The following CCDC154 variants were observed in gnomAD, a reference collection of about 807,000 sequenced individuals.
CCDC154 encodes coiled-coil domain-containing protein 154.
In CCDC154, 91 loss-of-function variants were observed where a neutral mutation model predicts 87.5. The observed-to-expected ratio is 1.04, with a 90% CI of 0.88 to 1.24. The LOEUF (loss-of-function observed/expected upper bound fraction) is 1.24, where lower values mean the gene tolerates loss of function less well. Ranked by LOEUF, CCDC154 falls within the 50% of genes most tolerant of loss-of-function variation. The pLI is 0.00. For synonymous variants in CCDC154, 418 were observed against 400.4 expected (o/e 1.04, Z -0.52); for missense variants, 903 against 879.2 (o/e 1.03, Z -0.34).
chr16:1,444,451 C>T lies in CCDC154; in HGVS notation c.-129G>A. On this transcript the variant is annotated 5_prime_UTR_variant, in exon 1 of 17. Coordinates refer to ENST00000389176, the MANE Select transcript of CCDC154 (RefSeq NM_001143980.3). ...GAGGAAGTCCCGTGAGAGCTCTGGGCCTTGAGGGACGAGCTGCTGCCCTCG... is the reference window on the plus strand; with the variant it reads ...GAGGAAGTCCCGTGAGAGCTCTGGGTCTTGAGGGACGAGCTGCTGCCCTCG... 1 of 966,958 alleles carries T rather than the reference C, an allele frequency of 1.0e-6. No individual in the cohort carries two copies. Among genetic ancestry groups the T allele is most frequent in the Non-Finnish European group, 1.4e-6 (1 of 731,682 alleles). 59.9% of individuals were successfully genotyped at this position (966,958 alleles called of 1,614,324 possible).
chr16:1,440,993 C>T, intron 6 of CCDC154, among the ~76,000 whole-genome samples: 1 of 151,698 alleles, frequency 6.6e-6, no homozygotes, highest in South Asian at 2.1e-4. Flanking sequence ...GTGGCATGCG[C>T]CCGCAGTCAC....
At chr16:1,437,619 C>A in intron 11 of CCDC154, 198 bp downstream of exon 11, 1 of 611,836 alleles carries the variant, frequency 1.6e-6, no homozygotes, top group East Asian at 3.2e-5. Flanking sequence ...TGGGCCGAGG[C>A]TGCTCAGCGG....
chr16:1,442,564 T>C lies in CCDC154; in HGVS notation c.552-35A>G, dbSNP rs1025703105. ...TCGGCTGTGGTCACACCAGCCCAGCTGGCCGGAGGGCCCAGCAGGGTGAGG... is the reference window on the plus strand; with the variant it reads ...TCGGCTGTGGTCACACCAGCCCAGCCGGCCGGAGGGCCCAGCAGGGTGAGG... On this transcript the variant is annotated intron_variant, in intron 5 of 16. Coordinates refer to ENST00000389176, the MANE Select transcript of CCDC154 (RefSeq NM_001143980.3). 13 of 1,497,362 alleles carry C rather than the reference T, an allele frequency of 8.7e-6. No homozygotes were observed. In the African/African-American group the frequency reaches 9.8e-5, roughly 11 times the overall value. 92.8% of individuals were successfully genotyped at this position (1,497,362 alleles called of 1,614,324 possible).
Position 1,444,229 on chromosome 16 carries a change from G to C in CCDC154, c.7+87C>G. On this transcript the variant is annotated intron_variant, in intron 1 of 16. Coordinates refer to ENST00000389176, the MANE Select transcript of CCDC154 (RefSeq NM_001143980.3). ...GGGCGGCAGGAACAAGCGAGCTGGA[G>C]GGAGCCCGGGGTCAGAAGCAGAGCG... 12 of 1,249,350 alleles carry C rather than the reference G, an allele frequency of 9.6e-6. No homozygotes were observed. The South Asian group carries it at 1.6e-4, about 17-fold the overall frequency. The allele number at this position is 1,249,350 out of a possible 1,614,324, so 77.4% of individuals were successfully genotyped here. A position where few individuals can be genotyped will look rare whatever the true frequency, so the allele number is the denominator to read the frequency against.
Position 1,434,648 on chromosome 16 carries a change from C to G in CCDC154, c.1877+20G>C. On this transcript the variant is annotated intron_variant, in intron 16 of 16. Transcript: ENST00000389176. ...CGGCCCAAAGGCCCAGGAGGCCGCG[C>G]CGGGATCCCTGCTGCCCACCTCACA... 1.3e-6 allele frequency: 2 copies of G among 1,542,910 alleles called. No homozygotes were observed. The highest frequency in any genetic ancestry group is 1.7e-6 in the Non-Finnish European group (2 of 1,146,210).
At chr16:1,440,134 C>G in intron 6 of CCDC154, among the ~76,000 whole-genome samples, 1 of 112,296 alleles carries the variant, frequency 8.9e-6, no homozygotes. Context: ...GGCGACAGAG[C>G]GAGACTGTCA....
intron 13 of CCDC154, 125 bp downstream of exon 13, chr16:1,436,320 C>A (rs1596202737): frequency 1.0e-6 from 1 of 961,214 alleles, no homozygotes; most frequent in East Asian, 2.6e-5. Flanking sequence ...CTGGGCCAGG[C>A]CCGGGCTCAG....
chr16:1,438,518 G>A (rs899554780), intron 9 of CCDC154, 101 bp downstream of exon 9: 68 of 1,125,856 alleles, frequency 6.0e-5, no homozygotes, highest in Non-Finnish European at 8.4e-5. Context: ...GCTCGGGGGA[G>A]GCAAGGTCAT....
chr16:1,443,265 T>C lies in CCDC154; in HGVS notation c.451A>G (p.Lys151Glu). Reference sequence around the variant, plus strand: ...CCCTAGGTGTGTGGGGGGTACCTTTTGTCCAGGGCCTGCATCTGGTTCTGG... The same window carrying C: ...CCCTAGGTGTGTGGGGGGTACCTTTCGTCCAGGGCCTGCATCTGGTTCTGG... ...GLQNQMQALDKRLVEVREALT... is the reference protein window; with the variant it reads ...GLQNQMQALDERLVEVREALT... The change falls in exon 4 of 17, where the codon AAA becomes GAA. Residue 151 changes from lysine (K) to glutamate (E), a missense_variant. Coordinates refer to ENST00000389176, the MANE Select transcript of CCDC154 (RefSeq NM_001143980.3). 1.9e-6 allele frequency: 3 copies of C among 1,548,932 alleles called. No individual in the cohort carries two copies. In the South Asian group the frequency reaches 3.6e-5, roughly 18 times the overall value.
In CCDC154 at chr16:1,436,740, G is replaced by A. The variant is rs1423482641; in HGVS notation, c.1362C>T (p.Thr454=). The A allele has an allele frequency of 1.7e-5, 27 of 1,550,312 alleles. No homozygotes were observed. The highest frequency in any genetic ancestry group is 1.5e-4 in the African/African-American group (11 of 73,044). ...TCTCCCGCACCCCTCGCAGGTGTTC[G>A]GTCACCTCCTTCCGCCACCTGGCCA... The part of the protein sequence containing the change: ...EDLARWRKEV[T]EHLRGVREKV... Residue 454 remains threonine, a synonymous_variant, in exon 12 of 17, where the codon ACC becomes ACT. Coordinates refer to ENST00000389176, the MANE Select transcript of CCDC154 (RefSeq NM_001143980.3).
rs1477025871 is a variant in CCDC154 at position 1,437,922 on chromosome 16, G to A, written c.1185C>T (p.Ser395=). 1.4e-5 allele frequency: 21 copies of A among 1,547,154 alleles called. No homozygotes were observed. Among genetic ancestry groups the A allele is most frequent in the East Asian group, 2.4e-5 (1 of 40,916 alleles). Reference sequence around the variant, plus strand: ...TTAACTGCCCGGCCAGCTGCGCCACGGATGCCTCCAGAGCCCGGCTCTTCT... The same window carrying A: ...TTAACTGCCCGGCCAGCTGCGCCACAGATGCCTCCAGAGCCCGGCTCTTCT... ...LREKSRALEA[S]VAQLAGQLKE... is the part of the protein sequence containing the mutation. Residue 395 remains serine, a synonymous_variant, in exon 11 of 17, where the codon TCC becomes TCT. Transcript: ENST00000389176.
intron 11 of CCDC154, chr16:1,437,078 G>A (rs538414315): frequency 1.7e-4 from 87 of 503,730 alleles, no homozygotes; most frequent in African/African-American, 1.5e-3. Flanking sequence ...GCAGGCCCCG[G>A]TGGGACCCAG....
intron 5 of CCDC154, among the ~76,000 whole-genome samples, 157 bp from the exon 6 acceptor site, chr16:1,442,686 AG>A (rs1040953945): frequency 5.6e-4 from 86 of 152,310 alleles, no homozygotes; most frequent in African/African-American, 1.9e-3. Context: ...GTGGCAGGGA[AG>A]GGCTGCTGCG....
At chr16:1,438,388 C>T in intron 9 of CCDC154, 2 of 745,280 alleles carry the variant, frequency 2.7e-6, no homozygotes, top group Non-Finnish European at 2.1e-6. Context: ...GACAGGGGTT[C>T]CCTCCCCATG....
At position 1,439,901 on chromosome 16, in the gene CCDC154, C is replaced by T. The variant is rs373984365; in HGVS notation, c.676-775G>A. Among the ~76,000 whole-genome samples, 3 of 152,076 alleles carry T rather than the reference C, an allele frequency of 2.0e-5. No homozygotes were observed. The East Asian group carries it at 5.8e-4, about 29-fold the overall frequency. On this transcript the variant is annotated intron_variant, in intron 6 of 16. Coordinates refer to ENST00000389176, the MANE Select transcript of CCDC154 (RefSeq NM_001143980.3). ...AGTGACTGGCGCAATGACTCACTCC[C>T]ACTTTGGGAGGCCGAGGCTGGTGGA...
chr16:1,434,728 T>G lies in CCDC154; in HGVS notation c.1817A>C (p.Lys606Thr). The G allele has an allele frequency of 6.5e-7, 1 of 1,546,722 alleles. No individual in the cohort carries two copies. The highest frequency in any genetic ancestry group is 8.7e-7 in the Non-Finnish European group (1 of 1,146,830). ...PSLVRPRVFI[K>T]DMAPGKVVPM... Reference sequence around the variant, plus strand: ...CACCACCTTGCCAGGCGCCATGTCCTTGATGAAGACCCGCGGCCTCACCAG... The same window carrying G: ...CACCACCTTGCCAGGCGCCATGTCCGTGATGAAGACCCGCGGCCTCACCAG... Residue 606 changes from lysine to threonine, a missense_variant, in exon 16 of 17, where the codon AAG becomes ACG. Physicochemically the swap from Lys to Thr is moderately conservative, Grantham distance 78. Coordinates refer to ENST00000389176, the MANE Select transcript of CCDC154 (RefSeq NM_001143980.3).
intron 6 of CCDC154, 120 bp downstream of exon 6, chr16:1,442,286 A>G: frequency 8.6e-7 from 1 of 1,157,174 alleles, no homozygotes; most frequent in African/African-American, 1.6e-5. Context: ...ACTATAGCTG[A>G]TTTCAGTGGA....
rs1361262093 is a variant in CCDC154, at chr16:1,437,948, C to T, written c.1159G>A (p.Glu387Lys). The T allele has an allele frequency of 1.3e-6, 2 of 1,546,246 alleles. No homozygotes were observed. Among genetic ancestry groups the T allele is most frequent in the Non-Finnish European group, 1.7e-6 (2 of 1,145,386 alleles). ...EMHGELVLLR[E>K]KSRALEASVA... Reference sequence around the variant, plus strand: ...GATGCCTCCAGAGCCCGGCTCTTCTCTCGGAGCTGCAGGGGACAGGTGGGC... The same window carrying T: ...GATGCCTCCAGAGCCCGGCTCTTCTTTCGGAGCTGCAGGGGACAGGTGGGC... Residue 387 changes from glutamate (E) to lysine (K), a missense_variant, in exon 11 of 17, where the codon GAG becomes AAG. Coordinates refer to ENST00000389176, the MANE Select transcript of CCDC154 (RefSeq NM_001143980.3).
At chr16:1,438,201 C>T in intron 9 of CCDC154, 25 bp from the exon 10 acceptor site, 1 of 1,499,870 alleles carries the variant, frequency 6.7e-7, no homozygotes, top group Non-Finnish European at 8.9e-7. Flanking sequence ...CACATAGACA[C>T]CCTCAGTGGA....
Sources: gnomAD v4.1 joint callset for allele counts (sites outside exome capture counted in the v4.1 genomes callset) on GRCh38, gnomAD v4.1.1 for gene constraint, MANE v1.5 for transcripts, NCBI Gene and HGNC (gene_info 2026-07-23, HGNC 2026-07-21) for gene names.